GRID1: variants seen among roughly 807,000 people sequenced by gnomAD.
The protein encoded by GRID1 is glutamate receptor ionotropic, delta-1.
Under a neutral mutation model 98.0 loss-of-function variants are expected in GRID1, and 28 were observed. The ratio of observed to expected loss-of-function variants is 0.29; its 90% CI spans 0.21 to 0.39. GRID1 has a LOEUF of 0.39. GRID1 is among the 10% of genes least tolerant of loss of function. The pLI is 1.00. For synonymous variants in GRID1, 553 were observed against 538.5 expected, an observed-to-expected ratio of 1.03 and a Z score of -0.37; for missense variants, 1,111 against 1,340.5, an observed-to-expected ratio of 0.83 and a Z score of 2.67.
intron 8 of GRID1, among the ~76,000 whole-genome samples, chr10:85,740,510 T>C (rs1841930295): frequency 6.6e-6 from 1 of 152,132 alleles, no homozygotes; most frequent in South Asian, 2.1e-4. Flanking sequence ...TGTCTCCCAT[T>C]ACACTCTCTC....
At chr10:85,857,557 G>C (rs1289444556) in intron 6 of GRID1, among the ~76,000 whole-genome samples, 3 of 152,166 alleles carry the variant, frequency 2.0e-5, no homozygotes, top group Non-Finnish European at 4.4e-5. Flanking sequence ...AGGAGGAGAA[G>C]GGAAGGCGGT....
chr10:85,661,633 G>T (rs1469968158), intron 12 of GRID1, among the ~76,000 whole-genome samples: 1 of 152,114 alleles, frequency 6.6e-6, no homozygotes, highest in African/African-American at 2.4e-5. Flanking sequence ...TCACACCAAG[G>T]CTACAGCCAC....
At chr10:85,835,402 C>T (rs75882396) in intron 8 of GRID1, among the ~76,000 whole-genome samples, 2,505 of 152,206 alleles carry the variant, frequency 0.016, 64 homozygotes, top group African/African-American at 0.056. Context: ...GATAATTGAA[C>T]GATGGGGGCA....
At chr10:85,925,658 C>T (rs1841764356) in intron 4 of GRID1, among the ~76,000 whole-genome samples, 1 of 152,246 alleles carries the variant, frequency 6.6e-6, no homozygotes, top group Non-Finnish European at 1.5e-5. Context: ...CAAAGACCAA[C>T]TCCAGGGACC....
chr10:86,178,252 A>G (rs1019580816), intron 3 of GRID1, among the ~76,000 whole-genome samples: 3 of 150,740 alleles, frequency 2.0e-5, no homozygotes, highest in Non-Finnish European at 4.4e-5. Context: ...CAGATGACCA[A>G]ATTATTGAGC....
intron 4 of GRID1, among the ~76,000 whole-genome samples, chr10:86,131,196 G>A (rs762628287): frequency 5.3e-5 from 8 of 151,440 alleles, no homozygotes; most frequent in Non-Finnish European, 8.8e-5. Context: ...ATCCCACCAC[G>A]TCTTCTTACA....
At chr10:86,102,738 C>G (rs891383071) in intron 4 of GRID1, among the ~76,000 whole-genome samples, 3 of 152,120 alleles carry the variant, frequency 2.0e-5, no homozygotes, top group Admixed American at 2.0e-4. Context: ...ACCTCTTTTT[C>G]TGTTCAAAAC....
intron 4 of GRID1, among the ~76,000 whole-genome samples, chr10:86,023,966 T>C (rs900899279): frequency 6.6e-6 from 1 of 152,200 alleles, no homozygotes; most frequent in Non-Finnish European, 1.5e-5. Context: ...GCCTAGGCCA[T>C]GAGTGAGTAC....
At chr10:86,329,329 G>A (rs1238276707) in intron 2 of GRID1, among the ~76,000 whole-genome samples, 3 of 152,178 alleles carry the variant, frequency 2.0e-5, no homozygotes, top group South Asian at 4.1e-4. Flanking sequence ...GGCCCTCCAA[G>A]GCAAGTGAAC....
At chr10:86,078,378 T>G (rs940271521) in intron 4 of GRID1, among the ~76,000 whole-genome samples, 2 of 152,192 alleles carry the variant, frequency 1.3e-5, no homozygotes, top group Non-Finnish European at 2.9e-5. Flanking sequence ...ATCTGTAAAT[T>G]AGAAATGTCC....
chr10:86,305,447 A>C (rs1847746496), intron 2 of GRID1, among the ~76,000 whole-genome samples: 1 of 152,194 alleles, frequency 6.6e-6, no homozygotes, highest in South Asian at 2.1e-4. Flanking sequence ...GTAAAACCCA[A>C]AAGAAAGAGT....
intron 4 of GRID1, among the ~76,000 whole-genome samples, chr10:86,138,452 G>A (rs1249779014): frequency 1.3e-5 from 2 of 152,058 alleles, no homozygotes; most frequent in Non-Finnish European, 2.9e-5. Context: ...GCAGAAAGCT[G>A]GAAATTTATT....
intron 4 of GRID1, among the ~76,000 whole-genome samples, chr10:86,040,510 TA>T (rs3057696): frequency 1.9e-3 from 195 of 103,268 alleles, no homozygotes; most frequent in Admixed American, 3.1e-3. Flanking sequence ...ACTCATATCT[TA>T]AAAAAAAAAA....
chr10:85,722,872 A>G, intron 12 of GRID1, 131 bp downstream of exon 12: 1 of 547,234 alleles, frequency 1.8e-6, no homozygotes. Context: ...TCCATGCACT[A>G]AAGATTCCAG....
chr10:86,347,359 C>T (rs1268264077), intron 2 of GRID1, among the ~76,000 whole-genome samples: 2 of 152,196 alleles, frequency 1.3e-5, no homozygotes, highest in Admixed American at 6.5e-5. Flanking sequence ...CCCCATCTAC[C>T]GTGCCTCTTT....
chr10:85,921,725 G>A (rs1841707120), intron 4 of GRID1, among the ~76,000 whole-genome samples: 1 of 152,194 alleles, frequency 6.6e-6, no homozygotes, highest in African/African-American at 2.4e-5. Flanking sequence ...TAATATCCAA[G>A]AGCCTGGAAG....
At chr10:86,246,394 TGA>T (rs948444158) in intron 2 of GRID1, among the ~76,000 whole-genome samples, 5 of 152,180 alleles carry the variant, frequency 3.3e-5, no homozygotes, top group Admixed American at 3.3e-4. Context: ...GTCTGCTATC[TGA>T]GAGGAGCCCA....
chr10:85,797,348 A>G (rs1265065373), intron 8 of GRID1, among the ~76,000 whole-genome samples: 5 of 152,136 alleles, frequency 3.3e-5, no homozygotes, highest in Admixed American at 2.6e-4. Context: ...TGGTTTTTCA[A>G]TTCACATCCT....
chr10:86,265,837 C>T (rs886237066), intron 2 of GRID1, among the ~76,000 whole-genome samples: 1 of 152,152 alleles, frequency 6.6e-6, no homozygotes, highest in African/African-American at 2.4e-5. Context: ...CATTTTGCAA[C>T]TTTCCCCAGC....
Sources: allele counts gnomAD v4.1 joint callset (sites outside exome capture counted in the v4.1 genomes callset), GRCh38; gene constraint gnomAD v4.1.1; transcripts MANE v1.5; gene names NCBI Gene and HGNC (gene_info 2026-07-23, HGNC 2026-07-21).